ESYT3: variants seen among roughly 807,000 people sequenced by gnomAD.
The protein encoded by ESYT3 is extended synaptotagmin 3, also known as extended synaptotagmin-3.
Under a neutral mutation model 111.5 loss-of-function variants are expected in ESYT3, and 101 were observed. That is an observed-to-expected ratio of 0.91 (90% CI 0.77 to 1.07). ESYT3 has a LOEUF of 1.07. Ranked by LOEUF, ESYT3 falls within the 50% of genes least tolerant of loss-of-function variation. The pLI is 0.00. For missense variants in ESYT3, 1,097 were observed against 1,109.4 expected (o/e 0.99, Z 0.16); for synonymous variants, 416 against 446.8 (o/e 0.93, Z 0.87).
chr3:138,471,770 A>AT (rs1473252321), intron 17 of ESYT3, among the ~76,000 whole-genome samples: 1 of 152,170 alleles, frequency 6.6e-6, no homozygotes, highest in Non-Finnish European at 1.5e-5. Flanking sequence ...ACTTGAGTCC[A>AT]TTTTTGTGTA....
intron 19 of ESYT3, 79 bp from the exon 20 acceptor site, chr3:138,474,142 C>T (rs2033372841): frequency 6.4e-7 from 1 of 1,555,140 alleles, no homozygotes; most frequent in Non-Finnish European, 8.7e-7. Flanking sequence ...AACTCTCAAA[C>T]ACTGAAACTC....
At chr3:138,467,660 T>C in intron 11 of ESYT3, 51 bp downstream of exon 11, 3 of 1,561,718 alleles carry the variant, frequency 1.9e-6, no homozygotes, top group Non-Finnish European at 2.6e-6. Flanking sequence ...AGCCCTTTCC[T>C]GTGGACAGCT....
downstream of ESYT3, chr3:138,479,940 T>C (rs904568436): frequency 6.6e-6 from 1 of 152,234 alleles, no homozygotes; most frequent in Non-Finnish European, 1.5e-5. Context: ...GTTAAGTTTT[T>C]CATGTTTGGT....
intron 1 of ESYT3, among the ~76,000 whole-genome samples, chr3:138,441,574 C>T (rs896875587): frequency 7.2e-5 from 11 of 152,134 alleles, no homozygotes; most frequent in African/African-American, 2.7e-4. Context: ...GGGAGGGCCA[C>T]AACCCAGCTA....
intron 1 of ESYT3, among the ~76,000 whole-genome samples, chr3:138,441,316 T>C (rs560945374): frequency 1.3e-5 from 2 of 152,304 alleles, no homozygotes; most frequent in East Asian, 3.9e-4. Context: ...GCCAGGGGCC[T>C]GAGGCCCTGA....
At chr3:138,451,183 C>T (rs370198015) in intron 1 of ESYT3, among the ~76,000 whole-genome samples, 3 of 152,210 alleles carry the variant, frequency 2.0e-5, no homozygotes, top group Non-Finnish European at 4.4e-5. Context: ...TTCCACTGTT[C>T]CCCCTTCCCA....
At position 138,434,641 on chromosome 3, in the gene ESYT3, G is replaced by T. The variant is rs990464879; in HGVS notation, c.-158G>T. 22 of 655,808 alleles carry T rather than the reference G, an allele frequency of 3.4e-5. No individual in the cohort carries two copies. The African/African-American group carries it at 4.0e-4, about 12-fold the overall frequency. 40.6% of individuals were successfully genotyped at this position (655,808 alleles called of 1,614,324 possible). On this transcript the variant is annotated 5_prime_UTR_variant, in exon 1 of 23. Coordinates refer to ENST00000389567, the MANE Select transcript of ESYT3 (RefSeq NM_031913.5). ...GCATTTCCAGGCGCTGCTCTCCGTC[G>T]CAGAGAACCCTGAGCTCGGCGCGCC...
At chr3:138,467,930 T>G (rs2108623845) in intron 11 of ESYT3, among the ~76,000 whole-genome samples, 175 bp from the exon 12 acceptor site, 1 of 152,114 alleles carries the variant, frequency 6.6e-6, no homozygotes, top group East Asian at 1.9e-4. Context: ...TAACCACATC[T>G]CCCAGTCCCT....
At chr3:138,448,278 A>AAAAG (rs2031685163) in intron 1 of ESYT3, among the ~76,000 whole-genome samples, 1 of 150,422 alleles carries the variant, frequency 6.6e-6, no homozygotes, top group African/African-American at 2.4e-5. Flanking sequence ...AAAAAAAAAA[A>AAAAG]AAAAAAAAAA....
At chr3:138,456,609 G>T (rs2032291045) in intron 3 of ESYT3, among the ~76,000 whole-genome samples, 1 of 152,174 alleles carries the variant, frequency 6.6e-6, no homozygotes, top group East Asian at 1.9e-4. Flanking sequence ...CCTCCTGTCA[G>T]ATCAGCAGCG....
In ESYT3 at chr3:138,435,083, G is replaced by A. The variant is rs2030544786; in HGVS notation, c.285G>A (p.Glu95=). The change falls in exon 1 of 23, where the codon GAG becomes GAA. Residue 95 remains glutamate (E), a synonymous_variant. Coordinates refer to ENST00000389567, the MANE Select transcript of ESYT3 (RefSeq NM_031913.5). The surrounding 1 kb of genome is among the most constrained non-coding windows in gnomAD (Gnocchi z 4.8). ...AAFEFLDNER[E]FISRELRGQH... Reference sequence around the variant, plus strand: ...TCGAATTCCTTGACAATGAACGCGAGTTCATCAGCCGCGAGCTGCGGGGCC... The same window carrying A: ...TCGAATTCCTTGACAATGAACGCGAATTCATCAGCCGCGAGCTGCGGGGCC... 6.3e-7 allele frequency: 1 copy of A among 1,592,680 alleles called. No homozygotes were observed. Among genetic ancestry groups the A allele is most frequent in the Admixed American group, 1.8e-5 (1 of 57,016 alleles).
downstream of ESYT3, chr3:138,481,000 A>G (rs191259428): frequency 1.3e-5 from 2 of 152,358 alleles, no homozygotes; most frequent in East Asian, 1.9e-4. Context: ...AGACTTTTCA[A>G]TAAAAGGTGC....
Position 138,435,002 on chromosome 3 carries a change from G to T in ESYT3, c.204G>T (p.Leu68=). Residue 68 remains leucine (L), a synonymous_variant, in exon 1 of 23, where the codon CTG becomes CTT. Coordinates refer to ENST00000389567, the MANE Select transcript of ESYT3 (RefSeq NM_031913.5). This position sits in a 1 kb window ranked among gnomAD's most constrained non-coding sequence, Gnocchi z 4.8. ...SITWLLLGAL[L]WMWWRRNRRG... ...CCTGGTTGCTGCTCGGCGCCCTGCT[G>T]TGGATGTGGTGGCGCAGGAACCGCC... is the stretch of plus-strand genomic sequence containing the variant. 6.4e-7 allele frequency: 1 copy of T among 1,567,962 alleles called. No individual in the cohort carries two copies.
chr3:138,465,458 C>G (rs2108620957), intron 10 of ESYT3, 37 bp downstream of exon 10: 2 of 1,517,972 alleles, frequency 1.3e-6, no homozygotes, highest in East Asian at 4.7e-5. Flanking sequence ...CTGGAGGCAG[C>G]CTTCCCTCCC....
At chr3:138,469,852 C>T (rs1397139624) in intron 15 of ESYT3, among the ~76,000 whole-genome samples, 1 of 152,140 alleles carries the variant, frequency 6.6e-6, no homozygotes, top group African/African-American at 2.4e-5. Context: ...TCAGCTCCCC[C>T]GTAAAAATTC....
chr3:138,459,126 C>G (rs531646765), intron 4 of ESYT3, 61 bp from the exon 5 acceptor site: 1 of 1,389,784 alleles, frequency 7.2e-7, no homozygotes, highest in Admixed American at 2.2e-5. Flanking sequence ...AGTTTCCCAA[C>G]CTTTCTGAGC....
At position 138,460,881 on chromosome 3, in the gene ESYT3, A is replaced by ACACACAC. The variant is rs529350903; in HGVS notation, c.794+228_794+234dup. Among the ~76,000 whole-genome samples, 22 of 152,262 alleles carry ACACACAC rather than the reference A, an allele frequency of 1.4e-4. No homozygotes were observed. In the East Asian group the frequency reaches 4.1e-3, roughly 28 times the overall value. Reference sequence around the variant, plus strand: ...AGCACACCCCCCGCCCACACCACACACACACACCACACACCACACCCATGT... The same window carrying ACACACAC: ...AGCACACCCCCCGCCCACACCACACACACACACCACACACCACACACCACACCCATGT... On this transcript the variant is annotated intron_variant, in intron 7 of 22. Transcript: ENST00000389567.
rs1267087601 is a variant in ESYT3 at position 138,470,076 on chromosome 3, A to G, written c.1520A>G (p.Lys507Arg). Reference protein sequence around the residue: ...THTSKTCPHNKDPVWSQVFSF... With the variant: ...THTSKTCPHNRDPVWSQVFSF... ...TGTTCCCAGACCTGTCCCCACAACA[A>G]GGACCCTGTGTGGAGCCAGGTGTTC... The change falls in exon 16 of 23, where the codon AAG becomes AGG. Residue 507 changes from lysine to arginine, a missense_variant. By Grantham distance (26) the Lys-to-Arg change is conservative. Transcript: ENST00000389567. The G allele has an allele frequency of 8.1e-6, 13 of 1,612,758 alleles. No individual in the cohort carries two copies. The highest frequency in any genetic ancestry group is 1.1e-5 in the Non-Finnish European group (13 of 1,179,220).
At chr3:138,460,419 G>A (rs1383854277) in intron 6 of ESYT3, among the ~76,000 whole-genome samples, 192 bp from the exon 7 acceptor site, 1 of 152,198 alleles carries the variant, frequency 6.6e-6, no homozygotes, top group Non-Finnish European at 1.5e-5. Flanking sequence ...ACCGCTAGAT[G>A]CCTGAGCTGG....
Sources: gnomAD v4.1 joint callset for allele counts (sites outside exome capture counted in the v4.1 genomes callset) on GRCh38, gnomAD v4.1.1 for gene constraint, Gnocchi (gnomAD v3.1) non-coding constraint, MANE v1.5 for transcripts, NCBI Gene and HGNC (gene_info 2026-07-23, HGNC 2026-07-21) for gene names.